Variants in RPL7A observed in about 807,000 individuals in gnomAD.
RPL7A encodes ribosomal protein L7a.
For synonymous variants in RPL7A, 158 were observed against 128.2 expected (o/e 1.23, Z -1.57); for missense variants, 291 against 338.2 (o/e 0.86, Z 1.09).
rs2129985363 is a variant in RPL7A, at chr9:133,349,376, TTTG to T, written c.125-172_125-170del. On this transcript the variant is annotated intron_variant, in intron 2 of 7. Coordinates refer to ENST00000323345, the MANE Select transcript of RPL7A (RefSeq NM_000972.3). The stretch of plus-strand genomic sequence containing the variant: ...TTAGATGAGGAAAAGCATCGTGCTC[TTTG>T]TTCTCAGGTGTTTGTGTGCAGATGA... 1.1e-4 allele frequency: 102 copies of T among 942,554 alleles called. No individual in the cohort carries two copies. In the East Asian group the frequency reaches 2.4e-3, roughly 22 times the overall value. The allele number at this position is 942,554 out of a possible 1,614,324, so 58.4% of individuals were successfully genotyped here. A position where few individuals can be genotyped will look rare whatever the true frequency, so the allele number is the denominator to read the frequency against.
chr9:133,349,386 G>A (rs2129985464), intron 2 of RPL7A, 165 bp from the exon 3 acceptor site: 3 of 964,294 alleles, frequency 3.1e-6, no homozygotes, highest in Non-Finnish European at 5.1e-6. Flanking sequence ...TTTGTTCTCA[G>A]GTGTTTGTGT....
intron 3 of RPL7A, 93 bp downstream of exon 3, chr9:133,349,793 G>T (rs968510254): frequency 1.0e-5 from 16 of 1,581,366 alleles, no homozygotes. Context: ...TTCTTGAACT[G>T]CAGTTGTCAT....
At chr9:133,351,173 G>C in intron 7 of RPL7A, 89 bp from the exon 8 acceptor site, 1 of 1,543,276 alleles carries the variant, frequency 6.5e-7, no homozygotes. Flanking sequence ...GATCAGCTTG[G>C]AACAGCCAAA....
chr9:133,349,460 T>C (rs2129986240), intron 2 of RPL7A, 91 bp from the exon 3 acceptor site: 20 of 1,488,610 alleles, frequency 1.3e-5, no homozygotes, highest in African/African-American at 2.8e-5. Context: ...ACCACCAAGA[T>C]CGCTGATGCA....
At chr9:133,350,825 GA>G in intron 6 of RPL7A, 98 bp downstream of exon 6, 1 of 1,578,620 alleles carries the variant, frequency 6.3e-7, no homozygotes, top group South Asian at 1.1e-5. Context: ...TTTAGTTTAA[GA>G]AATATATTTA....
chr9:133,349,567 C>T lies in RPL7A; in HGVS notation c.141C>T (p.Pro47=), dbSNP rs2129987223. 3 of 1,614,064 alleles carry T rather than the reference C, an allele frequency of 1.9e-6. No individual in the cohort carries two copies. The highest frequency in any genetic ancestry group is 2.2e-5 in the East Asian group (1 of 44,880). ...ACTTCTCAGGACAGGACATCCAGCC[C>T]AAAAGAGACCTCACCCGCTTTGTGA... The part of the protein sequence containing the change: ...KNFGIGQDIQ[P]KRDLTRFVKW... Residue 47 remains proline, a synonymous_variant, in exon 3 of 8, where the codon CCC becomes CCT. Transcript: ENST00000323345.
At chr9:133,348,627 C>T (rs1450208690) in intron 1 of RPL7A, 14 of 629,994 alleles carry the variant, frequency 2.2e-5, no homozygotes, top group Non-Finnish European at 3.8e-5. Flanking sequence ...TGTGGGGCCG[C>T]GACTCAGAGG....
At chr9:133,350,404 G>A in intron 5 of RPL7A, 85 bp downstream of exon 5, 2 of 1,539,298 alleles carry the variant, frequency 1.3e-6, no homozygotes, top group Non-Finnish European at 1.8e-6. Context: ...TCAGTGATGG[G>A]ACCGAAGTGG....
chr9:133,349,085 C>T, intron 2 of RPL7A, 43 bp downstream of exon 2: 2 of 1,606,328 alleles, frequency 1.2e-6, no homozygotes, highest in Non-Finnish European at 8.5e-7. Flanking sequence ...ATGTTTTTCT[C>T]AAGGGAAGGT....
chr9:133,348,666 G>C (rs2129979762), intron 1 of RPL7A: 1 of 691,714 alleles, frequency 1.4e-6, no homozygotes, highest in East Asian at 2.8e-5. Context: ...TCTCCTGGGT[G>C]GGCGACGCGA....
At position 133,351,300 on chromosome 9, in the gene RPL7A, G is replaced by A. The variant is rs1275861062; in HGVS notation, c.735G>A (p.Lys245=). 9 of 1,613,994 alleles carry A rather than the reference G, an allele frequency of 5.6e-6. No homozygotes were observed. The highest frequency in any genetic ancestry group is 1.1e-5 in the South Asian group (1 of 91,086). ...RHWGGNVLGP[K]SVARIAKLEK... is the part of the protein sequence containing the mutation. ...GGGGTGGCAATGTCCTGGGTCCTAA[G>A]TCTGTGGCTCGTATCGCCAAGCTCG... The change falls in exon 8 of 8, where the codon AAG becomes AAA. Residue 245 remains lysine, a synonymous_variant. Coordinates refer to ENST00000323345, the MANE Select transcript of RPL7A (RefSeq NM_000972.3).
chr9:133,351,214 T>C, intron 7 of RPL7A, 48 bp from the exon 8 acceptor site: 2 of 1,587,432 alleles, frequency 1.3e-6, no homozygotes, highest in Non-Finnish European at 8.6e-7. Flanking sequence ...ACCTTGAAAA[T>C]CTCAGAAAAC....
rs2129994144 is a variant in RPL7A, at chr9:133,350,498, C to T, written c.496-99C>T. 50 of 1,587,104 alleles carry T rather than the reference C, an allele frequency of 3.2e-5. No individual in the cohort carries two copies. The East Asian group carries it at 3.8e-4, about 12-fold the overall frequency. On this transcript the variant is annotated intron_variant, in intron 5 of 7. Transcript: ENST00000323345. Reference sequence around the variant, plus strand: ...TCTCACTGAATTCAACCTTGAAGTGCGAATCCATGAGCTTTTTAACCCTGA... The same window carrying T: ...TCTCACTGAATTCAACCTTGAAGTGTGAATCCATGAGCTTTTTAACCCTGA...
chr9:133,349,799 G>A, intron 3 of RPL7A, 99 bp downstream of exon 3: 1 of 1,581,376 alleles, frequency 6.3e-7, no homozygotes, highest in Non-Finnish European at 8.6e-7. Flanking sequence ...AACTGCAGTT[G>A]TCATTAAATT....
At chr9:133,349,796 G>A (rs1836331426) in intron 3 of RPL7A, 96 bp downstream of exon 3, 1 of 1,581,422 alleles carries the variant, frequency 6.3e-7, no homozygotes, top group African/African-American at 1.4e-5. Flanking sequence ...TTGAACTGCA[G>A]TTGTCATTAA....
intron 6 of RPL7A, 35 bp downstream of exon 6, chr9:133,350,762 G>A: frequency 6.2e-7 from 1 of 1,608,262 alleles, no homozygotes; most frequent in Non-Finnish European, 8.5e-7. Context: ...CTTCCCCCCA[G>A]TTCATTTAAT....
At chr9:133,350,198 A>G in intron 4 of RPL7A, 42 bp from the exon 5 acceptor site, 1 of 1,612,088 alleles carries the variant, frequency 6.2e-7, no homozygotes, top group Non-Finnish European at 8.5e-7. Context: ...TTGTGACTAG[A>G]GCAGGCCCTG....
intron 5 of RPL7A, 74 bp downstream of exon 5, chr9:133,350,393 G>A: frequency 1.3e-6 from 2 of 1,566,698 alleles, no homozygotes; most frequent in Non-Finnish European, 1.8e-6. Context: ...CTAATGCCAA[G>A]TCAGTGATGG....
At chr9:133,349,156 AAT>A in intron 2 of RPL7A, 114 bp downstream of exon 2, 1 of 1,266,126 alleles carries the variant, frequency 7.9e-7, no homozygotes, top group Non-Finnish European at 1.1e-6. Context: ...CGCAGTCCTT[AAT>A]TTGTGTCTCT....
Sources: gnomAD v4.1 joint callset for allele counts on GRCh38, gnomAD v4.1.1 for gene constraint, MANE v1.5 for transcripts, NCBI Gene and HGNC (gene_info 2026-07-23, HGNC 2026-07-21) for gene names.